Variants in SYT14 observed in about 807,000 individuals in gnomAD.
SYT14 encodes the protein synaptotagmin-14.
A neutral mutation model predicts 74.2 loss-of-function variants in SYT14; 32 were observed. The ratio of observed to expected loss-of-function variants is 0.43; its 90% CI spans 0.33 to 0.58. The LOEUF is 0.58. Among genes scored for constraint, SYT14 ranks in the 20% least tolerant of loss-of-function variants. The probability of loss-of-function intolerance (pLI) is 0.05; values close to 1 mark genes in which losing one functional copy is unlikely to be tolerated. For missense variants in SYT14, 791 were observed against 981.8 expected (o/e 0.81, Z 2.60); for synonymous variants, 298 against 337.7 (o/e 0.88, Z 1.29).
At chr1:209,973,585 C>T (rs1189710600) in intron 2 of SYT14, among the ~76,000 whole-genome samples, 1 of 152,138 alleles carries the variant, frequency 6.6e-6, no homozygotes, top group Non-Finnish European at 1.5e-5. Flanking sequence ...TGTATATGTG[C>T]CACATTTTCT....
intron 5 of SYT14, among the ~76,000 whole-genome samples, chr1:210,073,149 C>A (rs979166483): frequency 3.3e-5 from 5 of 151,964 alleles, no homozygotes; most frequent in Non-Finnish European, 7.4e-5. Context: ...CTTAGTATTT[C>A]ATTTTATTTT....
At chr1:210,092,952 G>A (rs35992447) in intron 5 of SYT14, among the ~76,000 whole-genome samples, 2,535 of 152,210 alleles carry the variant, frequency 0.017, 32 homozygotes, top group Non-Finnish European at 0.027. Flanking sequence ...ATGTACTTAG[G>A]TTATATGTAA....
At position 210,002,685 on chromosome 1, in the gene SYT14, A is replaced by G. The variant is rs573578754; in HGVS notation, c.-485-10948A>G. The stretch of plus-strand genomic sequence containing the variant: ...TTATGATGTAATTTGAAGTTTTCTG[A>G]TACATAACAAAGTTGAACACCTTTT... On this transcript the variant is annotated intron_variant, in intron 2 of 9. Coordinates refer to ENST00000637265, the Ensembl canonical transcript of SYT14. Among the ~76,000 whole-genome samples, 35 of 152,266 alleles carry G rather than the reference A, an allele frequency of 2.3e-4. No individual in the cohort carries two copies. In the East Asian group the frequency reaches 3.1e-3, roughly 13 times the overall value.
At chr1:210,013,691 G>A (rs1380484558) in exon 3 of SYT14, 1 of 1,612,928 alleles carries the variant, frequency 6.2e-7, no homozygotes, top group South Asian at 1.1e-5. Context: ...TCTTGATGCT[G>A]CTCCTTTTTC....
chr1:209,972,766 G>C (rs1036392695), intron 2 of SYT14, among the ~76,000 whole-genome samples: 1 of 152,030 alleles, frequency 6.6e-6, no homozygotes, highest in Non-Finnish European at 1.5e-5. Flanking sequence ...TTATGGCTGA[G>C]CATGTGGCCT....
intron 7 of SYT14, among the ~76,000 whole-genome samples, chr1:210,120,021 A>G (rs985023363): frequency 2.6e-5 from 4 of 152,138 alleles, no homozygotes; most frequent in Admixed American, 1.3e-4. Context: ...GGTATACATT[A>G]TTTTCTTTCC....
chr1:210,118,463 G>A (rs1477804685), intron 7 of SYT14, among the ~76,000 whole-genome samples: 1 of 151,790 alleles, frequency 6.6e-6, no homozygotes, highest in East Asian at 1.9e-4. Flanking sequence ...TCCCTTTTGT[G>A]TTGATTGTTT....
chr1:210,131,913 C>T (rs2082681529), intron 7 of SYT14, among the ~76,000 whole-genome samples: 1 of 152,122 alleles, frequency 6.6e-6, no homozygotes, highest in African/African-American at 2.4e-5. Flanking sequence ...AGTAAAAGCT[C>T]TCCTCACCCT....
chr1:210,028,010 AT>A (rs2080451337), intron 5 of SYT14, among the ~76,000 whole-genome samples: 1 of 152,038 alleles, frequency 6.6e-6, no homozygotes, highest in Non-Finnish European at 1.5e-5. Flanking sequence ...CATCTCTAGG[AT>A]TTTTTCATCA....
At chr1:210,162,644 A>G (rs182282601) in exon 10 of SYT14, 150 of 438,336 alleles carry the variant, frequency 3.4e-4, no homozygotes, top group African/African-American at 2.9e-3. Flanking sequence ...ACTAAGTACT[A>G]TATATTATTG....
intron 5 of SYT14, among the ~76,000 whole-genome samples, chr1:210,041,560 T>C (rs1014047557): frequency 6.6e-6 from 1 of 152,176 alleles, no homozygotes; most frequent in Non-Finnish European, 1.5e-5. Context: ...AGGAGATGTA[T>C]AGCATACACT....
At chr1:210,151,437 C>T (rs1427968538) in intron 7 of SYT14, among the ~76,000 whole-genome samples, 1 of 151,018 alleles carries the variant, frequency 6.6e-6, no homozygotes, top group African/African-American at 2.4e-5. Flanking sequence ...CCAGGCTGCT[C>T]TAGAACTCCT....
At chr1:210,139,265 C>CTTTT (rs960923188) in intron 7 of SYT14, among the ~76,000 whole-genome samples, 4 of 95,852 alleles carry the variant, frequency 4.2e-5, no homozygotes, top group East Asian at 2.8e-4. Flanking sequence ...TTTCTTTTTT[C>CTTTT]TTTTTTTTTT....
intron 6 of SYT14, among the ~76,000 whole-genome samples, chr1:210,096,856 A>G (rs1016942564): frequency 4.6e-5 from 7 of 152,204 alleles, no homozygotes; most frequent in Admixed American, 1.3e-4. Context: ...CAGATTTTCT[A>G]TTTAATCTTT....
intron 2 of SYT14, among the ~76,000 whole-genome samples, chr1:209,982,445 T>C (rs932547116): frequency 1.2e-4 from 19 of 152,196 alleles, no homozygotes; most frequent in Non-Finnish European, 2.5e-4. Flanking sequence ...CATGAAACTG[T>C]TTTTAAAATT....
intron 7 of SYT14, among the ~76,000 whole-genome samples, chr1:210,154,215 T>C (rs1275265343): frequency 6.6e-6 from 1 of 152,144 alleles, no homozygotes; most frequent in Non-Finnish European, 1.5e-5. Flanking sequence ...TGGTTGGTAA[T>C]AACTTTCTAG....
chr1:210,099,436 A>G (rs2082021226), intron 6 of SYT14, among the ~76,000 whole-genome samples: 1 of 152,208 alleles, frequency 6.6e-6, no homozygotes, highest in African/African-American at 2.4e-5. Flanking sequence ...TGTTATGGAA[A>G]GTAAATATTT....
intron 6 of SYT14, among the ~76,000 whole-genome samples, chr1:210,099,322 T>A (rs1321891998): frequency 6.6e-6 from 1 of 152,202 alleles, no homozygotes; most frequent in Non-Finnish European, 1.5e-5. Context: ...GTTACAGCCT[T>A]TCTTGAACTT....
At chr1:210,050,533 C>G (rs1455240549) in intron 5 of SYT14, among the ~76,000 whole-genome samples, 1 of 152,188 alleles carries the variant, frequency 6.6e-6, no homozygotes, top group Non-Finnish European at 1.5e-5. Flanking sequence ...CAGCAGGACC[C>G]CACTCTAACT....
Sources: gnomAD v4.1 joint callset for allele counts (sites outside exome capture counted in the v4.1 genomes callset) on GRCh38, gnomAD v4.1.1 for gene constraint, MANE v1.5 for transcripts, NCBI Gene and HGNC (gene_info 2026-07-23, HGNC 2026-07-21) for gene names.